TIMM44: variants seen among roughly 807,000 people sequenced by gnomAD.
TIMM44 encodes the protein mitochondrial import inner membrane translocase subunit TIM44.
Under a neutral mutation model 63.8 loss-of-function variants are expected in TIMM44, and 37 were observed. The ratio of observed to expected loss-of-function variants is 0.58; its 90% CI spans 0.45 to 0.76. TIMM44 has a LOEUF of 0.76. Ranked by LOEUF, TIMM44 falls within the 30% of genes least tolerant of loss-of-function variation. TIMM44 has a pLI of 0.00. For synonymous variants in TIMM44, 239 were observed against 245.1 expected, an observed-to-expected ratio of 0.98 and a Z score of 0.23; for missense variants, 573 against 603.8, an observed-to-expected ratio of 0.95 and a Z score of 0.54.
intron 12 of TIMM44, 60 bp from the exon 13 acceptor site, chr19:7,927,366 G>A (rs939099685): frequency 6.6e-6 from 10 of 1,523,916 alleles, no homozygotes; most frequent in Non-Finnish European, 8.8e-6. Context: ...GGCAGCTCTG[G>A]GGGGGGGCCA....
Position 7,933,413 on chromosome 19 carries a change from C to A in TIMM44, c.769+72G>T, listed in dbSNP as rs1024479344. On this transcript the variant is annotated intron_variant, in intron 7 of 12. Transcript: ENST00000270538. This position sits in a 1 kb window ranked among gnomAD's most constrained non-coding sequence, Gnocchi z 4.3. ...AAACGGGGCTGTCTTGTGCCCAATG[C>A]AGGGGGATCACCTTGCGGTCCACCA... is the stretch of plus-strand genomic sequence containing the variant. 1 of 1,374,738 alleles carries A rather than the reference C, an allele frequency of 7.3e-7. No individual in the cohort carries two copies. Among genetic ancestry groups the A allele is most frequent in the East Asian group, 2.3e-5 (1 of 43,772 alleles). The allele number at this position is 1,374,738 out of a possible 1,614,324, so 85.2% of individuals were successfully genotyped here. A position where few individuals can be genotyped will look rare whatever the true frequency, so the allele number is the denominator to read the frequency against.
intron 2 of TIMM44, among the ~76,000 whole-genome samples, chr19:7,938,545 G>A (rs574782474): frequency 3.0e-4 from 46 of 152,276 alleles, no homozygotes; most frequent in African/African-American, 9.6e-4. Flanking sequence ...GGTGGTTCAC[G>A]CCTGTAATCC....
In TIMM44 at chr19:7,938,122, T is replaced by C. The variant is rs1308787749; in HGVS notation, c.217A>G (p.Lys73Glu). ...LLDNVKQELAKNKEMKESIKK... is the reference protein window; with the variant it reads ...LLDNVKQELAENKEMKESIKK... ...ATACTTTCTTTCATTTCTTTGTTTT[T>C]GGCTAATTCTTGTTTGACATTATCT... Residue 73 changes from lysine to glutamate, a missense_variant, in exon 3 of 13, where the codon AAA becomes GAA. Coordinates refer to ENST00000270538, the MANE Select transcript of TIMM44 (RefSeq NM_006351.4). 6.2e-7 allele frequency: 1 copy of C among 1,614,134 alleles called. No individual in the cohort carries two copies. Among genetic ancestry groups the C allele is most frequent in the Non-Finnish European group, 8.5e-7 (1 of 1,180,024 alleles).
rs112463189 is a variant in TIMM44, at chr19:7,934,294, C to T, written c.394-56G>A. 4,012 of 1,599,428 alleles carry T rather than the reference C, an allele frequency of 2.5e-3. 7 individuals carry two copies. The highest frequency in any genetic ancestry group is 3.0e-3 in the Non-Finnish European group (3,564 of 1,176,694). Reference sequence around the variant, plus strand: ...GGCACCGGCCCTGGCGGCCGGGGGGCGGGGCAGGAGGAATGAATTCCTGCC... The same window carrying T: ...GGCACCGGCCCTGGCGGCCGGGGGGTGGGGCAGGAGGAATGAATTCCTGCC... On this transcript the variant is annotated intron_variant, in intron 4 of 12. Coordinates refer to ENST00000270538, the MANE Select transcript of TIMM44 (RefSeq NM_006351.4). The surrounding 1 kb of genome is among the most constrained non-coding windows in gnomAD (Gnocchi z 5.3).
intron 10 of TIMM44, 117 bp downstream of exon 10, chr19:7,931,021 G>T: frequency 1.1e-6 from 1 of 881,570 alleles, no homozygotes; most frequent in Non-Finnish European, 1.8e-6. Context: ...TTCCCCCACC[G>T]GGAGCCCAGG....
At chr19:7,929,951 C>A (rs1006314001) in intron 10 of TIMM44, among the ~76,000 whole-genome samples, 8 of 151,678 alleles carry the variant, frequency 5.3e-5, no homozygotes, top group African/African-American at 1.9e-4. Flanking sequence ...TGGGTTCTAG[C>A]GATTCTCCTG....
intron 2 of TIMM44, 109 bp downstream of exon 2, chr19:7,940,993 C>A: frequency 1.2e-6 from 1 of 858,768 alleles, no homozygotes; most frequent in Non-Finnish European, 1.9e-6. Flanking sequence ...GGCCCACCAC[C>A]GAGATGGTAC....
rs555468749 is a variant in TIMM44, at chr19:7,934,332, G to A, written c.394-94C>T. On this transcript the variant is annotated intron_variant, in intron 4 of 12. Coordinates refer to ENST00000270538, the MANE Select transcript of TIMM44 (RefSeq NM_006351.4). This position sits in a 1 kb window ranked among gnomAD's most constrained non-coding sequence, Gnocchi z 5.3. ...ATGAATTCCTGCCGGAGAGAAGGGCGGATCTGGTTCCCCGAGGCCGGCAGA... is the reference window on the plus strand; with the variant it reads ...ATGAATTCCTGCCGGAGAGAAGGGCAGATCTGGTTCCCCGAGGCCGGCAGA... 1.8e-5 allele frequency: 28 copies of A among 1,538,948 alleles called. No individual in the cohort carries two copies. Among genetic ancestry groups the A allele is most frequent in the Middle Eastern group, 3.6e-4 (2 of 5,522 alleles).
chr19:7,930,989 C>T (rs970774418), intron 10 of TIMM44, 149 bp downstream of exon 10: 1 of 689,742 alleles, frequency 1.4e-6, no homozygotes, highest in Non-Finnish European at 2.5e-6. Context: ...ATGTCAGGCT[C>T]TCGGAGGGTG....
chr19:7,935,011 C>A, intron 4 of TIMM44, 54 bp downstream of exon 4: 1 of 1,527,212 alleles, frequency 6.5e-7, no homozygotes. Context: ...CAGCCTCCAG[C>A]GGCCAGGGGA....
In TIMM44 at chr19:7,938,136, T is replaced by G. The variant is rs117812409; in HGVS notation, c.203A>C (p.Lys68Thr). Residue 68 changes from lysine (K) to threonine (T), a missense_variant, in exon 3 of 13, where the codon AAA becomes ACA. Physicochemically the swap from Lys to Thr is moderately conservative, Grantham distance 78. Coordinates refer to ENST00000270538, the MANE Select transcript of TIMM44 (RefSeq NM_006351.4). ...TTCTTTGTTTTTGGCTAATTCTTGT[T>G]TGACATTATCTAGCAAGCCGGACAG... ...GFLSGLLDNV[K>T]QELAKNKEMK... The G allele has an allele frequency of 6.2e-7, 1 of 1,614,070 alleles. No individual in the cohort carries two copies.
In TIMM44 at chr19:7,934,362, TTCTGTGCTCCTGTGG is replaced by T; in HGVS notation, c.394-139_394-125del. 7.6e-7 allele frequency: 1 copy of T among 1,320,606 alleles called. No homozygotes were observed. Among genetic ancestry groups the T allele is most frequent in the Non-Finnish European group, 1.1e-6 (1 of 935,562 alleles). 81.8% of individuals were successfully genotyped at this position (1,320,606 alleles called of 1,614,324 possible). ...TGGTTCCCCGAGGCCGGCAGAGGCC[TTCTGTGCTCCTGTGG>T]TACGCGGCACCCCCAGAGCCATGAG... On this transcript the variant is annotated intron_variant, in intron 4 of 12. Coordinates refer to ENST00000270538, the MANE Select transcript of TIMM44 (RefSeq NM_006351.4). This position sits in a 1 kb window ranked among gnomAD's most constrained non-coding sequence, Gnocchi z 5.3.
At position 7,934,483 on chromosome 19, in the gene TIMM44, C is replaced by T. The variant is rs1364378439; in HGVS notation, c.394-245G>A. On this transcript the variant is annotated intron_variant, in intron 4 of 12. Transcript: ENST00000270538. The surrounding 1 kb of genome is among the most constrained non-coding windows in gnomAD (Gnocchi z 5.3). ...ACCGGCACCCCCAGAGCCATGAGCA[C>T]ACCGGCACCCCCAGAGCCATGAGCA... Among the ~76,000 whole-genome samples the T allele has an allele frequency of 6.6e-6, 1 of 151,542 alleles. No homozygotes were observed. The highest frequency in any genetic ancestry group is 1.5e-5 in the Non-Finnish European group (1 of 67,846).
chr19:7,927,458 A>G, intron 12 of TIMM44, 152 bp from the exon 13 acceptor site: 2 of 1,098,656 alleles, frequency 1.8e-6, no homozygotes. Flanking sequence ...CTCAGGAACC[A>G]CTCAGCCTTG....
chr19:7,933,359 C>T lies in TIMM44; in HGVS notation c.769+126G>A. ...ATGTGACCGCAAAGAAGTGACCGGCCCACTCTGACCCCGATCTCCTCCTCT... is the reference window on the plus strand; with the variant it reads ...ATGTGACCGCAAAGAAGTGACCGGCTCACTCTGACCCCGATCTCCTCCTCT... On this transcript the variant is annotated intron_variant, in intron 7 of 12. Transcript: ENST00000270538. The surrounding 1 kb of genome is among the most constrained non-coding windows in gnomAD (Gnocchi z 4.3). 1.1e-6 allele frequency: 1 copy of T among 873,134 alleles called. No individual in the cohort carries two copies. The highest frequency in any genetic ancestry group is 2.0e-6 in the Non-Finnish European group (1 of 503,980). 54.1% of individuals were successfully genotyped at this position (873,134 alleles called of 1,614,324 possible). A position where few individuals can be genotyped will look rare whatever the true frequency, so the allele number is the denominator to read the frequency against.
intron 12 of TIMM44, 29 bp from the exon 13 acceptor site, chr19:7,927,335 TGA>T: frequency 1.2e-6 from 2 of 1,604,442 alleles, no homozygotes; most frequent in East Asian, 4.5e-5. Context: ...AGGGCACTGT[TGA>T]GAGGGTTGAG....
rs751731953 is a variant in TIMM44, at chr19:7,934,259, A to C, written c.394-21T>G. The C allele has an allele frequency of 6.2e-7, 1 of 1,609,712 alleles. No homozygotes were observed. Among genetic ancestry groups the C allele is most frequent in the East Asian group, 2.2e-5 (1 of 44,876 alleles). On this transcript the variant is annotated intron_variant, in intron 4 of 12. Coordinates refer to ENST00000270538, the MANE Select transcript of TIMM44 (RefSeq NM_006351.4). The surrounding 1 kb of genome is among the most constrained non-coding windows in gnomAD (Gnocchi z 5.3). The stretch of plus-strand genomic sequence containing the variant: ...AGGCTCTACTGAGACAGACACAGAG[A>C]GGGGGCGTTGGCACCGGCCCTGGCG...
intron 9 of TIMM44, among the ~76,000 whole-genome samples, chr19:7,932,029 C>T (rs753517046): frequency 6.6e-5 from 10 of 152,188 alleles, no homozygotes; most frequent in Non-Finnish European, 7.3e-5. Context: ...AGGCCTGGCC[C>T]GACTGGGCCG....
intron 9 of TIMM44, 90 bp downstream of exon 9, chr19:7,932,537 C>T: frequency 1.3e-6 from 2 of 1,572,698 alleles, no homozygotes; most frequent in East Asian, 2.2e-5. Context: ...GCAGAGTTCC[C>T]TGGCAGCACC....
Sources: gnomAD v4.1 joint callset for allele counts (sites outside exome capture counted in the v4.1 genomes callset) on GRCh38, gnomAD v4.1.1 for gene constraint, Gnocchi (gnomAD v3.1) non-coding constraint, MANE v1.5 for transcripts, NCBI Gene and HGNC (gene_info 2026-07-23, HGNC 2026-07-21) for gene names.